Variants in CLEC12A observed in about 807,000 individuals in gnomAD.
The protein encoded by CLEC12A is C-type lectin domain family 12 member A.
Under a neutral mutation model 26.5 loss-of-function variants are expected in CLEC12A, and 22 were observed. The ratio of observed to expected loss-of-function variants is 0.83; its 90% confidence interval spans 0.59 to 1.19. CLEC12A has a LOEUF of 1.19. CLEC12A is among the 50% of genes most tolerant of loss of function. The pLI, the probability that CLEC12A is intolerant of heterozygous loss-of-function variation, is 0.00. For missense variants in CLEC12A, 353 were observed against 315.6 expected (o/e 1.12, Z -0.90); for synonymous variants, 119 against 101.9 (o/e 1.17, Z -1.01).
chr12:9,979,344 A>G lies in CLEC12A; in HGVS notation c.199A>G (p.Thr67Ala). Residue 67 changes from threonine to alanine, a missense_variant, in exon 3 of 6, where the codon ACT becomes GCT. Physicochemically the swap from Thr to Ala is moderately conservative, Grantham distance 58. Coordinates refer to ENST00000304361, the MANE Select transcript of CLEC12A (RefSeq NM_138337.6). ...LGVLASMFHV[T>A]LKIEMKKMNK... ...ATTTTTTTAATGTGGAGTTCACGTA[A>G]CTTTGAAGATAGAAATGAAAAAAAT... The G allele has an allele frequency of 6.3e-7, 1 of 1,588,968 alleles. No individual in the cohort carries two copies. The highest frequency in any genetic ancestry group is 8.6e-7 in the Non-Finnish European group (1 of 1,164,998).
chr12:9,960,388 A>G (rs1863809505), intron 1 of CLEC12A, among the ~76,000 whole-genome samples: 1 of 152,208 alleles, frequency 6.6e-6, no homozygotes, highest in African/African-American at 2.4e-5. Flanking sequence ...GGATTCCCCA[A>G]GGGATCCACT....
chr12:9,997,230 T>TC, downstream of CLEC12A: 2 of 1,613,790 alleles, frequency 1.2e-6, no homozygotes, highest in Non-Finnish European at 1.7e-6. Flanking sequence ...GTTGCAGAGT[T>TC]CCTGTGCGAT....
chr12:9,964,085 A>G (rs1649802141), intron 1 of CLEC12A, among the ~76,000 whole-genome samples: 1 of 152,230 alleles, frequency 6.6e-6, no homozygotes, highest in African/African-American at 2.4e-5. Flanking sequence ...AGCCACAGGA[A>G]TAGTAGTTTG....
upstream of CLEC12A, among the ~76,000 whole-genome samples, chr12:9,970,608 C>T (rs1864092909): frequency 6.6e-6 from 1 of 152,120 alleles, no homozygotes; most frequent in Admixed American, 6.5e-5. Flanking sequence ...TTGAGTCAAA[C>T]TAATAAGACA....
chr12:9,985,310 A>G lies in CLEC12A; in HGVS notation c.*284A>G, dbSNP rs1864736728. ...AGTTGTGGGGGGCCTTCGAATTTTC[A>G]TTTTCATTTACGTTCTTCCCCTTCT... is the stretch of plus-strand genomic sequence containing the variant. On this transcript the variant is annotated 3_prime_UTR_variant, in exon 6 of 6. Transcript: ENST00000304361. 3 of 400,020 alleles carry G rather than the reference A, an allele frequency of 7.5e-6. No homozygotes were observed. Among genetic ancestry groups the G allele is most frequent in the Non-Finnish European group, 1.3e-5 (3 of 228,480 alleles). The allele number at this position is 400,020 out of a possible 1,614,324, so 24.8% of individuals were successfully genotyped here. A position where few individuals can be genotyped will look rare whatever the true frequency, so the allele number is the denominator to read the frequency against.
chr12:9,978,663 G>T (rs1403013798), intron 1 of CLEC12A, among the ~76,000 whole-genome samples: 1 of 151,962 alleles, frequency 6.6e-6, no homozygotes, highest in Non-Finnish European at 1.5e-5. Flanking sequence ...AGGTTGACTG[G>T]TTTTCTCCAT....
Position 9,965,586 on chromosome 12 carries a change from G to A in CLEC12A, c.11-5991G>A, listed in dbSNP as rs541891894. ...CCAGAACAGAATAATGGGTTGTGGA[G>A]GGAGATATTGAGGATAGGAGAGTAT... is the stretch of plus-strand genomic sequence containing the variant. On this transcript the variant is annotated intron_variant, in intron 1 of 6. Coordinates refer to the CLEC12A transcript ENST00000355690. 2.6e-5 allele frequency among the ~76,000 whole-genome samples: 4 copies of A among 152,184 alleles called. No homozygotes were observed. The East Asian group carries it at 5.8e-4, about 22-fold the overall frequency.
At position 9,971,613 on chromosome 12, in the gene CLEC12A, C is replaced by T. The variant is rs1010457646; in HGVS notation, c.17C>T (p.Thr6Ile). 2.5e-6 allele frequency: 4 copies of T among 1,607,030 alleles called. No homozygotes were observed. Among genetic ancestry groups the T allele is most frequent in the Non-Finnish European group, 3.4e-6 (4 of 1,176,832 alleles). Residue 6 changes from threonine (T) to isoleucine (I), a missense_variant, in exon 1 of 6, where the codon ACT (threonine) becomes ATT (isoleucine). Physicochemically the swap from Thr to Ile is moderately conservative, Grantham distance 89 (BLOSUM62 -1). Coordinates refer to ENST00000304361, the MANE Select transcript of CLEC12A (RefSeq NM_138337.6). Reference protein sequence around the residue: MSEEVTYADLQFQNSS... With the variant: MSEEVIYADLQFQNSS... The stretch of plus-strand genomic sequence containing the variant: ...TATTCATCAATGTCTGAAGAAGTTA[C>T]TTATGCAGATCTTCAATTCCAGAAC...
intron 1 of CLEC12A, among the ~76,000 whole-genome samples, chr12:9,953,710 G>A (rs2137086675): frequency 1.3e-5 from 2 of 151,814 alleles, no homozygotes; most frequent in East Asian, 4.0e-4. Flanking sequence ...TGGGAGGTGT[G>A]CCCAGCAGCT....
At position 9,979,516 on chromosome 12, in the gene CLEC12A, A is replaced by G. The variant is rs375333067; in HGVS notation, c.371A>G (p.Lys124Arg). ...AAATTATGTCGTGAGCTATATAGCA[A>G]AGAACAAGGTAATCTTGTATTCTCT... ...ATKLCRELYSKEQEHKCKPCP... is the reference protein window; with the variant it reads ...ATKLCRELYSREQEHKCKPCP... Residue 124 changes from lysine to arginine, a missense_variant, in exon 3 of 6, where the codon AAA (lysine) becomes AGA (arginine). Lys to Arg is a conservative substitution (Grantham distance 26). Transcript: ENST00000304361. 60 of 1,609,610 alleles carry G rather than the reference A, an allele frequency of 3.7e-5. No individual in the cohort carries two copies. The Admixed American group carries it at 4.4e-4, about 12-fold the overall frequency.
At chr12:9,992,819 C>A in intron 4 of CLEC12A, 1 of 208,692 alleles carries the variant, frequency 4.8e-6, no homozygotes, top group Non-Finnish European at 9.6e-6. Flanking sequence ...AAGCCCTAAC[C>A]TATATTGGCC....
At chr12:9,971,304 G>A (rs1864115042), upstream of CLEC12A, 1 of 665,728 alleles carries the variant, frequency 1.5e-6, no homozygotes, top group East Asian at 1.0e-4. Flanking sequence ...ACTTTCTGTA[G>A]TTGGTAAATA....
downstream of CLEC12A, among the ~76,000 whole-genome samples, chr12:9,989,761 T>C (rs1371097788): frequency 6.6e-6 from 1 of 152,240 alleles, no homozygotes; most frequent in African/African-American, 2.4e-5. Flanking sequence ...AGACATGTCA[T>C]CTAGGATTTT....
downstream of CLEC12A, chr12:9,996,931 C>G (rs1312004402): frequency 6.2e-7 from 1 of 1,614,094 alleles, no homozygotes; most frequent in South Asian, 1.1e-5. Context: ...TAAGTTGTGC[C>G]TGAAGAACCC....
At chr12:9,991,903 A>C (rs1178618238) in intron 4 of CLEC12A, 1 of 152,146 alleles carries the variant, frequency 6.6e-6, no homozygotes, top group Non-Finnish European at 1.5e-5. Flanking sequence ...ACTGTATTAA[A>C]GACTACTTGT....
upstream of CLEC12A, among the ~76,000 whole-genome samples, chr12:9,967,322 T>A (rs7137254): frequency 0.4 from 60,627 of 151,722 alleles, 12,552 homozygotes; most frequent in Non-Finnish European, 0.45. Context: ...GTCAGGCACC[T>A]CAGACCGTTT....
intron 1 of CLEC12A, among the ~76,000 whole-genome samples, chr12:9,975,215 A>T (rs185819673): frequency 1.3e-5 from 2 of 152,342 alleles, no homozygotes; most frequent in East Asian, 3.9e-4. Context: ...TGCTGTAAAG[A>T]TACCCAAAAA....
the CLEC12A span, among the ~76,000 whole-genome samples, chr12:10,002,232 A>C: frequency 5.0e-4 from 76 of 152,212 alleles, no homozygotes; most frequent in African/African-American, 1.8e-3. Flanking sequence ...TTAAAATAAA[A>C]CCTTTTATTC....
downstream of CLEC12A, among the ~76,000 whole-genome samples, chr12:9,990,385 A>G (rs978591072): frequency 6.6e-6 from 1 of 152,244 alleles, no homozygotes; most frequent in Non-Finnish European, 1.5e-5. Context: ...ACTTGGAAGA[A>G]GTTGAATCAA....
Sources: gnomAD v4.1 joint callset for allele counts (sites outside exome capture counted in the v4.1 genomes callset) on GRCh38, gnomAD v4.1.1 for gene constraint, MANE v1.5 for transcripts, NCBI Gene and HGNC (gene_info 2026-07-23, HGNC 2026-07-21) for gene names.